The following BAAT variants were observed in gnomAD, a reference collection of about 807,000 sequenced individuals.
BAAT encodes the protein bile acid-CoA:amino acid N-acyltransferase.
A neutral mutation model predicts 18.9 loss-of-function variants in BAAT; 13 were observed. The observed-to-expected ratio is 0.69, with a 90% CI of 0.45 to 1.10. The LOEUF (loss-of-function observed/expected upper bound fraction) is 1.10, where lower values mean the gene tolerates loss of function less well. BAAT is among the 50% of genes least tolerant of loss of function. BAAT has a pLI of 0.00. For synonymous variants in BAAT, 170 were observed against 190.7 expected (o/e 0.89, Z 0.89); for missense variants, 489 against 504.0 (o/e 0.97, Z 0.28).
rs765307307 is a variant in BAAT at position 101,362,550 on chromosome 9, C to G, written c.1135G>C (p.Asp379His). 4 of 1,613,954 alleles carry G rather than the reference C, an allele frequency of 2.5e-6. No homozygotes were observed. The African/African-American group carries it at 5.3e-5, about 22-fold the overall frequency. Residue 379 changes from aspartate (D) to histidine (H), a missense_variant, in exon 4 of 4, where the codon GAT (aspartate) becomes CAT (histidine). Physicochemically the swap from Asp to His is moderately conservative, Grantham distance 81. Coordinates refer to ENST00000259407, the MANE Select transcript of BAAT (RefSeq NM_001701.4). ...SPLCCASTTHDLRLHWGGEVI... is the reference protein window; with the variant it reads ...SPLCCASTTHHLRLHWGGEVI... ...TCTCCTCCCCAGTGTAACCTCAAAT[C>G]GTGGGTCGTTGAGGCACAGCACAGA...
chr9:101,364,243 T>A (rs1288604349), intron 3 of BAAT, among the ~76,000 whole-genome samples: 1 of 152,074 alleles, frequency 6.6e-6, no homozygotes, highest in Admixed American at 6.6e-5. Flanking sequence ...ACCTAAGGAC[T>A]TTTTTTGCCC....
rs185378322 is a variant in BAAT, at chr9:101,384,972, G to A, written c.-177C>T. Among the ~76,000 whole-genome samples, 1 of 152,198 alleles carries A rather than the reference G, an allele frequency of 6.6e-6. No homozygotes were observed. Among genetic ancestry groups the A allele is most frequent in the East Asian group, 1.9e-4 (1 of 5,166 alleles). ...AGAGGAATTTACAGCTGGGCCTCCG[G>A]GGGTGATGTCACATATCAGCAGGAC... On this transcript the variant is annotated 5_prime_UTR_variant, in exon 1 of 4. Coordinates refer to ENST00000259407, the MANE Select transcript of BAAT (RefSeq NM_001701.4).
chr9:101,370,036 T>C (rs899423214), intron 2 of BAAT, among the ~76,000 whole-genome samples: 2 of 152,190 alleles, frequency 1.3e-5, no homozygotes, highest in African/African-American at 4.8e-5. Context: ...TCCTCTATAT[T>C]TGCTGCAATC....
intron 2 of BAAT, 60 bp downstream of exon 2, chr9:101,370,879 C>T (rs978736641): frequency 2.2e-5 from 34 of 1,549,940 alleles, no homozygotes; most frequent in African/African-American, 5.4e-5. Context: ...AATTTCTAGA[C>T]GGATAATGTA....
chr9:101,366,169 C>T (rs979620626), intron 3 of BAAT, among the ~76,000 whole-genome samples: 6 of 151,920 alleles, frequency 3.9e-5, no homozygotes, highest in Middle Eastern at 3.4e-3. Context: ...AGATAGAGAG[C>T]GACAGTTATG....
At chr9:101,382,283 A>T (rs952295866) in intron 1 of BAAT, among the ~76,000 whole-genome samples, 8 of 152,202 alleles carry the variant, frequency 5.3e-5, no homozygotes, top group African/African-American at 1.9e-4. Context: ...GAGCTCAAAC[A>T]TGCACATTAA....
intron 1 of BAAT, among the ~76,000 whole-genome samples, chr9:101,383,056 G>C (rs1830156172): frequency 6.6e-6 from 1 of 152,114 alleles, no homozygotes; most frequent in African/African-American, 2.4e-5. Context: ...TAGGACCACA[G>C]TACAGTTTCC....
intron 1 of BAAT, chr9:101,383,611 T>TA: frequency 6.6e-6 from 1 of 152,312 alleles, no homozygotes; most frequent in Admixed American, 6.5e-5. Context: ...GGTCACCACA[T>TA]ACCTCTTGCT....
At chr9:101,371,562 T>C (rs903925119) in intron 1 of BAAT, 99 bp from the exon 2 acceptor site, 23 of 759,184 alleles carry the variant, frequency 3.0e-5, no homozygotes, top group Middle Eastern at 3.6e-4. Context: ...GAGTCAGTTC[T>C]AACCCTCTAG....
chr9:101,368,375 A>C, intron 2 of BAAT, 53 bp from the exon 3 acceptor site: 2 of 1,512,818 alleles, frequency 1.3e-6, no homozygotes, highest in East Asian at 4.7e-5. Flanking sequence ...GGAAAAGATA[A>C]GAAAACTTGA....
rs530949622 is a variant in BAAT, at chr9:101,381,931, T to C, written c.-60+2924A>G. On this transcript the variant is annotated intron_variant, in intron 1 of 3. Transcript: ENST00000259407. ...AAATACATGAGAGTCAGAAATGGAA[T>C]CTACATTTCCAACTCTTAGTCAAAT... Among the ~76,000 whole-genome samples, 684 of 152,350 alleles carry C rather than the reference T, an allele frequency of 4.5e-3. 3 individuals carry two copies. The highest frequency in any genetic ancestry group is 6.3e-3 in the Non-Finnish European group (426 of 68,032).
intron 3 of BAAT, among the ~76,000 whole-genome samples, chr9:101,364,872 C>A (rs1359996628): frequency 6.6e-6 from 1 of 152,094 alleles, no homozygotes; most frequent in African/African-American, 2.4e-5. Context: ...GGAAGCCTGG[C>A]CTTTATCCTA....
Position 101,362,880 on chromosome 9 carries a change from C to A in BAAT, c.805G>T (p.Val269Leu). Residue 269 changes from valine (V) to leucine (L), a missense_variant, in exon 4 of 4, where the codon GTA becomes TTA. Coordinates refer to ENST00000259407, the MANE Select transcript of BAAT (RefSeq NM_001701.4). ...GGCTGATGGATCTGACCATGATATA[C>A]CTGTGGAATGCCAAAAGGAAAGTTG... is the stretch of plus-strand genomic sequence containing the variant. ...GTNFPFGIPQ[V>L]YHGQIHQPLP... The A allele has an allele frequency of 6.2e-7, 1 of 1,614,062 alleles. No individual in the cohort carries two copies. The highest frequency in any genetic ancestry group is 8.5e-7 in the Non-Finnish European group (1 of 1,179,998).
intron 3 of BAAT, among the ~76,000 whole-genome samples, chr9:101,364,437 G>A (rs188540561): frequency 3.9e-5 from 6 of 152,298 alleles, no homozygotes; most frequent in Admixed American, 3.9e-4. Context: ...ACTACACTGA[G>A]TTTCTAAGCC....
At position 101,371,265 on chromosome 9, in the gene BAAT, T is replaced by G. The variant is rs778523669; in HGVS notation, c.140A>C (p.Gln47Pro). Residue 47 changes from glutamine (Q) to proline (P), a missense_variant, in exon 2 of 4, where the codon CAA becomes CCA. By Grantham distance (76) the Gln-to-Pro change is moderately conservative. Coordinates refer to ENST00000259407, the MANE Select transcript of BAAT (RefSeq NM_001701.4). ...EDENGDMFYS[Q>P]AHYRANEFGE... ...GAATTCATTGGCCCTATAGTGGGCTTGAGAATAAAACATGTCTCCGTTTTC... is the reference window on the plus strand; with the variant it reads ...GAATTCATTGGCCCTATAGTGGGCTGGAGAATAAAACATGTCTCCGTTTTC... 6.2e-7 allele frequency: 1 copy of G among 1,613,122 alleles called. No homozygotes were observed. Among genetic ancestry groups the G allele is most frequent in the South Asian group, 1.1e-5 (1 of 91,062 alleles).
intron 1 of BAAT, among the ~76,000 whole-genome samples, chr9:101,382,966 G>T (rs11791228): frequency 0.07 from 10,616 of 152,140 alleles, 491 homozygotes; most frequent in South Asian, 0.15. Context: ...AAAGCTTCAA[G>T]AAATATTTTC....
chr9:101,360,934 G>GAAAACATGTAA lies in BAAT; in HGVS notation c.*1493_*1494insTTACATGTTTT, dbSNP rs1247229188. On this transcript the variant is annotated 3_prime_UTR_variant, in exon 4 of 4. Transcript: ENST00000259407. ...TTTTACACTTGGAGAAAACATGTAA[G>GAAAACATGTAA]AAAACATTTCTTGGTGCACAAGAAG... 1 of 157,772 alleles carries GAAAACATGTAA rather than the reference G, an allele frequency of 6.3e-6. No homozygotes were observed. The highest frequency in any genetic ancestry group is 1.4e-5 in the Non-Finnish European group (1 of 69,174). 9.8% of individuals were successfully genotyped at this position (157,772 alleles called of 1,614,324 possible).
At chr9:101,370,813 A>G in intron 2 of BAAT, 126 bp downstream of exon 2, 1 of 1,098,430 alleles carries the variant, frequency 9.1e-7, no homozygotes, top group South Asian at 1.3e-5. Context: ...AATGCATTTA[A>G]GGTGGAAAAA....
intron 1 of BAAT, among the ~76,000 whole-genome samples, chr9:101,383,730 A>G (rs542741186): frequency 6.6e-6 from 1 of 152,252 alleles, no homozygotes; most frequent in East Asian, 1.9e-4. Context: ...GATTGCCACT[A>G]CATTTTACTC....
Sources: allele counts gnomAD v4.1 joint callset (sites outside exome capture counted in the v4.1 genomes callset), GRCh38; gene constraint gnomAD v4.1.1; transcripts MANE v1.5; gene names NCBI Gene and HGNC (gene_info 2026-07-23, HGNC 2026-07-21).